The following SEMA6D variants were observed in gnomAD, a reference collection of about 807,000 sequenced individuals.
SEMA6D encodes semaphorin-6D.
In SEMA6D, 35 loss-of-function variants were observed where a neutral mutation model predicts 106.6. The ratio of observed to expected loss-of-function variants is 0.33; its 90% confidence interval spans 0.25 to 0.44. The LOEUF is 0.44. Among genes scored for constraint, SEMA6D ranks in the 20% least tolerant of loss-of-function variants. SEMA6D has a pLI of 1.00. For missense variants in SEMA6D, 1,185 were observed against 1,345.9 expected (o/e 0.88, Z 1.87); for synonymous variants, 499 against 487.7 (o/e 1.02, Z -0.31).
rs898880818 is a variant in SEMA6D, at chr15:47,193,650, GAAAAAC to G, written c.-239+9249_-239+9254del. Among the ~76,000 whole-genome samples, 14 of 152,146 alleles carry G rather than the reference GAAAAAC, an allele frequency of 9.2e-5. No homozygotes were observed. The East Asian group carries it at 1.5e-3, about 17-fold the overall frequency. Reference sequence around the variant, plus strand: ...CTCTCTGCTTCCTTGGTATTTCTATGAAAAACAAAAACAAAAACAAAACAAAAAAAC... The same window carrying G: ...CTCTCTGCTTCCTTGGTATTTCTATGAAAAACAAAAACAAAACAAAAAAAC... On this transcript the variant is annotated intron_variant, in intron 1 of 19. Coordinates refer to the SEMA6D transcript ENST00000558014.
rs772825735 is a variant in SEMA6D at position 47,764,687 on chromosome 15, A to G, written c.1147A>G (p.Ile383Val). The change falls in exon 12 of 19, where the codon ATC becomes GTC. Residue 383 changes from isoleucine to valine, a missense_variant. Coordinates refer to ENST00000536845, the MANE Select transcript of SEMA6D (RefSeq NM_001358351.3). Reference protein sequence around the residue: ...HGLAEAYKTSIDFPDETLSFI... With the variant: ...HGLAEAYKTSVDFPDETLSFI... ...CCTTGCCGAAGCTTATAAAACCTCC[A>G]TCGATTTCCCGGATGAAACTCTGTC... 9 of 1,613,904 alleles carry G rather than the reference A, an allele frequency of 5.6e-6. No individual in the cohort carries two copies. The highest frequency in any genetic ancestry group is 5.0e-5 in the Admixed American group (3 of 60,002).
intron 1 of SEMA6D, among the ~76,000 whole-genome samples, chr15:47,375,781 G>A (rs1234263348): frequency 6.6e-6 from 1 of 152,126 alleles, no homozygotes; most frequent in South Asian, 2.1e-4. Context: ...AATTGTGTAG[G>A]TTGGAATTTT....
chr15:47,718,251 G>T (rs1331855976), intron 1 of SEMA6D, among the ~76,000 whole-genome samples: 2 of 152,218 alleles, frequency 1.3e-5, no homozygotes, highest in African/African-American at 4.8e-5. Context: ...CCCCAGAGCG[G>T]ACGCTGGGAC....
chr15:47,499,205 A>G (rs2043765998), intron 3 of SEMA6D, among the ~76,000 whole-genome samples: 1 of 152,138 alleles, frequency 6.6e-6, no homozygotes, highest in Non-Finnish European at 1.5e-5. Context: ...GAATGGTGGG[A>G]TGGAGAACAA....
At chr15:47,617,375 A>ACTATGT (rs1414640521) in intron 4 of SEMA6D, among the ~76,000 whole-genome samples, 2 of 152,198 alleles carry the variant, frequency 1.3e-5, no homozygotes, top group Non-Finnish European at 1.5e-5. Context: ...ACAAAGTTTT[A>ACTATGT]CTATGTCTTC....
intron 3 of SEMA6D, among the ~76,000 whole-genome samples, chr15:47,526,983 C>A (rs753938201): frequency 1.5e-4 from 23 of 152,084 alleles, no homozygotes; most frequent in Non-Finnish European, 4.4e-5. Context: ...GTGATCTGCC[C>A]GCCTAAGCCT....
At chr15:47,683,732 G>A (rs774154337) in intron 4 of SEMA6D, among the ~76,000 whole-genome samples, 29 of 152,130 alleles carry the variant, frequency 1.9e-4, no homozygotes, top group Non-Finnish European at 3.2e-4. Flanking sequence ...AGTATTACTA[G>A]TATTGGTATG....
At chr15:47,198,667 T>A (rs1004894286) in intron 1 of SEMA6D, among the ~76,000 whole-genome samples, 9 of 152,144 alleles carry the variant, frequency 5.9e-5, no homozygotes, top group African/African-American at 2.2e-4. Context: ...GGATGAGATT[T>A]TTTTTTCTCT....
chr15:47,667,808 G>A lies in SEMA6D; in HGVS notation c.-55+66912G>A, dbSNP rs994762234. On this transcript the variant is annotated intron_variant, in intron 4 of 19. Transcript: ENST00000558014. ...GATCAGATTTCGACATATGAATTTGGGGGGATGTAAACATTCAGTCTATAA... is the reference window on the plus strand; with the variant it reads ...GATCAGATTTCGACATATGAATTTGAGGGGATGTAAACATTCAGTCTATAA... Among the ~76,000 whole-genome samples, 34 of 152,266 alleles carry A rather than the reference G, an allele frequency of 2.2e-4. 1 individual carries two copies.
At chr15:47,389,219 A>T (rs527555256) in intron 1 of SEMA6D, among the ~76,000 whole-genome samples, 6 of 152,318 alleles carry the variant, frequency 3.9e-5, no homozygotes, top group African/African-American at 1.4e-4. Context: ...AACTGTTGTG[A>T]GACTACATTA....
At chr15:47,649,423 CAG>C (rs1219164436) in intron 4 of SEMA6D, among the ~76,000 whole-genome samples, 1 of 152,104 alleles carries the variant, frequency 6.6e-6, no homozygotes, top group Non-Finnish European at 1.5e-5. Context: ...GGGCTTCCCT[CAG>C]AGACCTTCAC....
At chr15:47,566,630 C>T (rs1018081071) in intron 3 of SEMA6D, among the ~76,000 whole-genome samples, 1 of 152,136 alleles carries the variant, frequency 6.6e-6, no homozygotes, top group African/African-American at 2.4e-5. Flanking sequence ...TTAGAAACAC[C>T]TTAGAGATTA....
At chr15:47,682,447 G>A (rs1479671585) in intron 4 of SEMA6D, among the ~76,000 whole-genome samples, 2 of 152,004 alleles carry the variant, frequency 1.3e-5, no homozygotes, top group Non-Finnish European at 1.5e-5. Flanking sequence ...GATTACAGGC[G>A]TGAGCCACCG....
intron 2 of SEMA6D, among the ~76,000 whole-genome samples, chr15:47,455,137 G>C (rs1198642108): frequency 6.6e-6 from 1 of 151,662 alleles, no homozygotes; most frequent in East Asian, 2.0e-4. Flanking sequence ...GGAACCAGAG[G>C]AATAGGAGTC....
At chr15:47,221,956 C>A (rs2031240562) in intron 1 of SEMA6D, among the ~76,000 whole-genome samples, 2 of 152,008 alleles carry the variant, frequency 1.3e-5, no homozygotes, top group Non-Finnish European at 2.9e-5. Context: ...GGTCCATAGG[C>A]TTCACCAAAC....
At chr15:47,354,854 A>G (rs2038502910) in intron 1 of SEMA6D, among the ~76,000 whole-genome samples, 1 of 152,294 alleles carries the variant, frequency 6.6e-6, no homozygotes, top group Non-Finnish European at 1.5e-5. Flanking sequence ...AAACGAGTTT[A>G]CTTAACAGCC....
intron 1 of SEMA6D, among the ~76,000 whole-genome samples, chr15:47,318,024 C>CTTTTTTTTT (rs71425594): frequency 2.6e-5 from 3 of 116,900 alleles, no homozygotes; most frequent in South Asian, 2.9e-4. Flanking sequence ...TCCCACAGTT[C>CTTTTTTTTT]TTTTTTTTTT....
At chr15:47,457,251 A>G (rs2042371699) in intron 2 of SEMA6D, among the ~76,000 whole-genome samples, 1 of 152,036 alleles carries the variant, frequency 6.6e-6, no homozygotes, top group Admixed American at 6.6e-5. Flanking sequence ...TTTAAAGAAT[A>G]CAAAAATATC....
intron 4 of SEMA6D, among the ~76,000 whole-genome samples, chr15:47,705,116 G>T (rs1189301855): frequency 6.6e-6 from 1 of 152,138 alleles, no homozygotes; most frequent in Non-Finnish European, 1.5e-5. Context: ...ACAGTTGAAG[G>T]CAATTACTTT....
Sources: gnomAD v4.1 joint callset for allele counts (sites outside exome capture counted in the v4.1 genomes callset) on GRCh38, gnomAD v4.1.1 for gene constraint, MANE v1.5 for transcripts, NCBI Gene and HGNC (gene_info 2026-07-23, HGNC 2026-07-21) for gene names.